Variants in PTPRM observed in about 807,000 individuals in gnomAD.
The protein encoded by PTPRM is protein tyrosine phosphatase receptor type M.
Under a neutral mutation model 186.7 loss-of-function variants are expected in PTPRM, and 47 were observed. The ratio of observed to expected loss-of-function variants is 0.25; its 90% CI spans 0.20 to 0.32. The LOEUF (loss-of-function observed/expected upper bound fraction) is 0.32, where lower values mean the gene tolerates loss of function less well. Among genes scored for constraint, PTPRM ranks in the 10% least tolerant of loss-of-function variants. PTPRM has a pLI of 1.00. For missense variants in PTPRM, 1,494 were observed against 1,865.0 expected (o/e 0.80, Z 3.66); for synonymous variants, 668 against 674.9 (o/e 0.99, Z 0.16).
At chr18:7,988,474 T>C (rs1233422054) in intron 7 of PTPRM, among the ~76,000 whole-genome samples, 2 of 152,276 alleles carry the variant, frequency 1.3e-5, no homozygotes, top group Non-Finnish European at 2.9e-5. Flanking sequence ...TTAAATGCAT[T>C]CATAATATTG....
At chr18:7,825,372 G>A (rs2045429787) in intron 2 of PTPRM, among the ~76,000 whole-genome samples, 1 of 152,140 alleles carries the variant, frequency 6.6e-6, no homozygotes, top group Admixed American at 6.5e-5. Flanking sequence ...TGGATAGGTT[G>A]ATTTTGCATA....
chr18:7,667,983 G>C (rs887345436), intron 1 of PTPRM, among the ~76,000 whole-genome samples: 7 of 152,044 alleles, frequency 4.6e-5, no homozygotes, highest in African/African-American at 1.7e-4. Flanking sequence ...GCTCAGAGAG[G>C]TAATCGAAGG....
chr18:8,066,609 T>C (rs1414987414), intron 7 of PTPRM, among the ~76,000 whole-genome samples: 1 of 152,162 alleles, frequency 6.6e-6, no homozygotes, highest in Non-Finnish European at 1.5e-5. Context: ...CTACAGACCA[T>C]AGTCAAAGGC....
chr18:7,768,644 A>G (rs931161820), intron 1 of PTPRM, among the ~76,000 whole-genome samples: 7 of 96,618 alleles, frequency 7.2e-5, no homozygotes, highest in African/African-American at 4.6e-4. Context: ...ATATATATAT[A>G]TATATTTTTT....
At chr18:8,038,675 AG>A (rs1376892382) in intron 7 of PTPRM, among the ~76,000 whole-genome samples, 1 of 152,202 alleles carries the variant, frequency 6.6e-6, no homozygotes, top group Non-Finnish European at 1.5e-5. Context: ...TACAGGCGTG[AG>A]CCACTGTGCC....
intron 22 of PTPRM, among the ~76,000 whole-genome samples, chr18:8,324,116 A>G (rs1325756492): frequency 6.6e-6 from 1 of 152,212 alleles, no homozygotes; most frequent in African/African-American, 2.4e-5. Context: ...ATGCAGTTCT[A>G]CTTTTTAAAA....
Position 7,955,166 on chromosome 18 carries a change from C to T in PTPRM, c.884C>T (p.Ala295Val). Residue 295 changes from alanine (A) to valine (V), a missense_variant, in exon 7 of 33, where the codon GCC becomes GTC. Ala to Val is a moderately conservative substitution (Grantham distance 64, BLOSUM62 0). Transcript: ENST00000580170. Reference protein sequence around the residue: ...IAPPQLASVGATYLWIQLNAN... With the variant: ...IAPPQLASVGVTYLWIQLNAN... Reference sequence around the variant, plus strand: ...CCACCTCAGCTCGCCTCTGTAGGAGCCACCTACCTGTGGATACAGCTCAAC... The same window carrying T: ...CCACCTCAGCTCGCCTCTGTAGGAGTCACCTACCTGTGGATACAGCTCAAC... 1 of 1,613,806 alleles carries T rather than the reference C, an allele frequency of 6.2e-7. No homozygotes were observed. Among genetic ancestry groups the T allele is most frequent in the Non-Finnish European group, 8.5e-7 (1 of 1,179,704 alleles).
At chr18:7,808,694 A>G (rs550805753) in intron 2 of PTPRM, among the ~76,000 whole-genome samples, 1 of 152,362 alleles carries the variant, frequency 6.6e-6, no homozygotes, top group African/African-American at 2.4e-5. Context: ...CAAAATCAAA[A>G]GATCTCAGCT....
intron 7 of PTPRM, among the ~76,000 whole-genome samples, chr18:7,980,444 T>G (rs1433840864): frequency 6.6e-6 from 1 of 152,082 alleles, no homozygotes; most frequent in Non-Finnish European, 1.5e-5. Context: ...TGGAGTGCAG[T>G]GGTGATCACA....
intron 14 of PTPRM, among the ~76,000 whole-genome samples, chr18:8,229,076 C>T (rs898271113): frequency 4.6e-5 from 7 of 151,914 alleles, no homozygotes; most frequent in African/African-American, 1.7e-4. Flanking sequence ...GTCTGTCATG[C>T]CTCTCTCTTA....
intron 6 of PTPRM, among the ~76,000 whole-genome samples, chr18:7,951,879 A>C (rs1466399660): frequency 2.0e-5 from 3 of 152,078 alleles, no homozygotes; most frequent in African/African-American, 7.2e-5. Flanking sequence ...TCATATTTGG[A>C]GTGCTAAATT....
chr18:8,170,580 A>G (rs1433335270), intron 14 of PTPRM, among the ~76,000 whole-genome samples: 1 of 151,912 alleles, frequency 6.6e-6, no homozygotes, highest in Non-Finnish European at 1.5e-5. Context: ...TAAAAGAAAT[A>G]TACAAAGATT....
At chr18:7,572,590 A>G (rs779635174) in intron 1 of PTPRM, among the ~76,000 whole-genome samples, 5 of 152,154 alleles carry the variant, frequency 3.3e-5, no homozygotes, top group Non-Finnish European at 7.3e-5. Flanking sequence ...GTATTATCTA[A>G]ATATCCCAAG....
intron 23 of PTPRM, among the ~76,000 whole-genome samples, chr18:8,367,651 C>T (rs909953733): frequency 6.6e-6 from 1 of 152,240 alleles, no homozygotes; most frequent in Non-Finnish European, 1.5e-5. Context: ...GGACAGCCAG[C>T]CCGAGAGGGC....
At chr18:7,732,695 C>T (rs1409329836) in intron 1 of PTPRM, among the ~76,000 whole-genome samples, 3 of 151,786 alleles carry the variant, frequency 2.0e-5, no homozygotes, top group Non-Finnish European at 4.4e-5. Context: ...GTTGTAGGAA[C>T]GGAGTCTCAC....
Position 8,370,892 on chromosome 18 carries a change from C to T in PTPRM, c.3057C>T (p.Val1019=). ...AATTTCTTTTATGTTTTCTAAAGGT[C>T]AAATGCTGCAAATACTGGCCAGATG... ...MVTNLVEVGR[V]KCCKYWPDDT... Residue 1019 remains valine, a splice_region_variant and synonymous_variant, in exon 24 of 33, where the codon GTC becomes GTT. Transcript: ENST00000580170. The T allele has an allele frequency of 6.3e-7, 1 of 1,576,084 alleles. No homozygotes were observed. Among genetic ancestry groups the T allele is most frequent in the Non-Finnish European group, 8.6e-7 (1 of 1,157,532 alleles).
intron 7 of PTPRM, among the ~76,000 whole-genome samples, chr18:8,010,250 AT>A (rs1436678407): frequency 6.6e-6 from 1 of 152,184 alleles, no homozygotes; most frequent in Non-Finnish European, 1.5e-5. Flanking sequence ...TCATTACCAA[AT>A]TAATTTTCCT....
At chr18:7,783,337 T>C (rs1242266454) in intron 2 of PTPRM, among the ~76,000 whole-genome samples, 2 of 152,106 alleles carry the variant, frequency 1.3e-5, no homozygotes, top group African/African-American at 4.8e-5. Context: ...CAGGGCCAAT[T>C]TACTGGGACA....
chr18:7,612,168 G>T (rs1345759583), intron 1 of PTPRM, among the ~76,000 whole-genome samples: 2 of 152,032 alleles, frequency 1.3e-5, no homozygotes, highest in African/African-American at 4.8e-5. Flanking sequence ...TTTGCATTGT[G>T]TATGTGCTCT....
Sources: allele counts gnomAD v4.1 joint callset (sites outside exome capture counted in the v4.1 genomes callset), GRCh38; gene constraint gnomAD v4.1.1; transcripts MANE v1.5; gene names NCBI Gene and HGNC (gene_info 2026-07-23, HGNC 2026-07-21).